KIAA1328: variants seen among roughly 807,000 people sequenced by gnomAD.
KIAA1328 encodes the protein KIAA1328.
A neutral mutation model predicts 68.1 loss-of-function variants in KIAA1328; 52 were observed. The ratio of observed to expected loss-of-function variants is 0.76; its 90% confidence interval spans 0.61 to 0.96. The LOEUF is 0.96. Among genes scored for constraint, KIAA1328 ranks in the 40% least tolerant of loss-of-function variants. The pLI is 0.00. For synonymous variants in KIAA1328, 232 were observed against 239.4 expected, an observed-to-expected ratio of 0.97 and a Z score of 0.28; for missense variants, 641 against 677.6, an observed-to-expected ratio of 0.95 and a Z score of 0.60.
Position 36,834,373 on chromosome 18 carries a change from A to G in KIAA1328, c.94+18A>G. 6.4e-7 allele frequency: 1 copy of G among 1,573,146 alleles called. No individual in the cohort carries two copies. The stretch of plus-strand genomic sequence containing the variant: ...CGTTCCAGGTATGATTTTCTATGTT[A>G]AAATTTGGGAAGCTTACTTTGGTCC... On this transcript the variant is annotated intron_variant, in intron 2 of 9. Coordinates refer to ENST00000280020, the MANE Select transcript of KIAA1328 (RefSeq NM_020776.3).
intron 7 of KIAA1328, among the ~76,000 whole-genome samples, chr18:37,073,166 G>T (rs2056594130): frequency 1.3e-5 from 2 of 152,206 alleles, no homozygotes; most frequent in South Asian, 4.1e-4. Flanking sequence ...TGACAAATGG[G>T]ATCTAATTAA....
At chr18:37,059,083 A>G (rs2056043065) in intron 6 of KIAA1328, among the ~76,000 whole-genome samples, 1 of 152,164 alleles carries the variant, frequency 6.6e-6, no homozygotes, top group South Asian at 2.1e-4. Context: ...TATTTCCCAT[A>G]TCTCACATGC....
At chr18:37,148,248 A>G (rs886903363) in intron 7 of KIAA1328, among the ~76,000 whole-genome samples, 3 of 152,050 alleles carry the variant, frequency 2.0e-5, no homozygotes, top group Admixed American at 6.6e-5. Context: ...CTGTTCCTGC[A>G]TTATTTTGCT....
intron 7 of KIAA1328, among the ~76,000 whole-genome samples, chr18:37,076,385 A>G (rs2056735973): frequency 6.6e-6 from 1 of 152,030 alleles, no homozygotes; most frequent in Non-Finnish European, 1.5e-5. Flanking sequence ...AAAACAGGAA[A>G]GATCCAAAAT....
intron 9 of KIAA1328, among the ~76,000 whole-genome samples, chr18:37,174,762 T>G (rs2059568191): frequency 6.6e-6 from 1 of 151,682 alleles, no homozygotes; most frequent in East Asian, 1.9e-4. Context: ...CTTGGCTAAT[T>G]TTTTGTATTT....
chr18:36,986,076 C>T (rs1292840504), intron 6 of KIAA1328, among the ~76,000 whole-genome samples: 3 of 152,016 alleles, frequency 2.0e-5, no homozygotes, highest in Non-Finnish European at 4.4e-5. Context: ...GCAAAATATA[C>T]ACCTACCATA....
At chr18:36,899,948 C>T (rs956126919) in intron 5 of KIAA1328, among the ~76,000 whole-genome samples, 1 of 151,768 alleles carries the variant, frequency 6.6e-6, no homozygotes, top group African/African-American at 2.4e-5. Flanking sequence ...AAATTTAATG[C>T]TTGTTCTTAA....
At chr18:36,966,915 A>C (rs1338637220) in intron 6 of KIAA1328, among the ~76,000 whole-genome samples, 1 of 152,194 alleles carries the variant, frequency 6.6e-6, no homozygotes, top group Non-Finnish European at 1.5e-5. Flanking sequence ...CTGGTAAAAC[A>C]GTCTTAAAAT....
chr18:37,016,584 C>G (rs1434658924), intron 6 of KIAA1328, among the ~76,000 whole-genome samples: 1 of 152,098 alleles, frequency 6.6e-6, no homozygotes, highest in Non-Finnish European at 1.5e-5. Context: ...GTGAATCCAT[C>G]TGGTCTGGGG....
intron 7 of KIAA1328, among the ~76,000 whole-genome samples, chr18:37,147,177 A>G (rs2154209121): frequency 6.6e-6 from 1 of 152,312 alleles, no homozygotes; most frequent in Admixed American, 6.5e-5. Context: ...TTGTGGGCCA[A>G]ATAAACCTTT....
intron 9 of KIAA1328, among the ~76,000 whole-genome samples, chr18:37,179,698 G>T (rs2059662107): frequency 6.6e-6 from 1 of 152,114 alleles, no homozygotes; most frequent in Non-Finnish European, 1.5e-5. Context: ...TCTCTCTGTT[G>T]TGAATACATT....
chr18:36,988,797 A>C (rs2053051098), intron 6 of KIAA1328, among the ~76,000 whole-genome samples: 1 of 3,328 alleles, frequency 3.0e-4, no homozygotes, highest in South Asian at 0.017. Flanking sequence ...CATCCTATAC[A>C]TATAATTTAT....
At chr18:36,980,592 A>C (rs139400854) in intron 6 of KIAA1328, among the ~76,000 whole-genome samples, 3 of 152,270 alleles carry the variant, frequency 2.0e-5, no homozygotes, top group African/African-American at 7.2e-5. Context: ...TTACCGGCCT[A>C]AGTGAAGTGA....
chr18:37,134,861 C>T (rs1268973806), intron 7 of KIAA1328, among the ~76,000 whole-genome samples: 1 of 152,084 alleles, frequency 6.6e-6, no homozygotes, highest in Non-Finnish European at 1.5e-5. Flanking sequence ...TCCCTCACTC[C>T]CACCTTCTAG....
At chr18:36,926,803 C>G (rs1471616293) in intron 5 of KIAA1328, among the ~76,000 whole-genome samples, 3 of 152,088 alleles carry the variant, frequency 2.0e-5, no homozygotes, top group South Asian at 2.1e-4. Context: ...ATACTTGAGG[C>G]TAGGTAATTT....
At chr18:36,908,292 T>G (rs1422952301) in intron 5 of KIAA1328, among the ~76,000 whole-genome samples, 2 of 152,174 alleles carry the variant, frequency 1.3e-5, no homozygotes, top group African/African-American at 4.8e-5. Flanking sequence ...AGTAATTTAT[T>G]TTTATTTATT....
chr18:36,829,663 G>A (rs2046392931), intron 1 of KIAA1328, among the ~76,000 whole-genome samples: 1 of 152,130 alleles, frequency 6.6e-6, no homozygotes, highest in South Asian at 2.1e-4. Flanking sequence ...AGGACCTTTC[G>A]GACTTAAAAG....
intron 9 of KIAA1328, among the ~76,000 whole-genome samples, chr18:37,186,024 G>A (rs1280736639): frequency 6.7e-6 from 1 of 148,732 alleles, no homozygotes; most frequent in East Asian, 2.0e-4. Flanking sequence ...GGCAAAGCAT[G>A]TAGCTGACAT....
intron 5 of KIAA1328, among the ~76,000 whole-genome samples, chr18:36,908,815 A>G (rs2049316867): frequency 6.6e-6 from 1 of 152,168 alleles, no homozygotes; most frequent in African/African-American, 2.4e-5. Flanking sequence ...AATTATTTAC[A>G]ATAAATTATG....
Sources: gnomAD v4.1 joint callset for allele counts (sites outside exome capture counted in the v4.1 genomes callset) on GRCh38, gnomAD v4.1.1 for gene constraint, MANE v1.5 for transcripts, NCBI Gene and HGNC (gene_info 2026-07-23, HGNC 2026-07-21) for gene names.